The following TRIM36 variants were observed in gnomAD, a reference collection of about 807,000 sequenced individuals.
TRIM36 encodes the protein E3 ubiquitin-protein ligase TRIM36.
A neutral mutation model predicts 72.4 loss-of-function variants in TRIM36; 42 were observed. The observed-to-expected ratio is 0.58, with a 90% confidence interval of 0.45 to 0.75. The LOEUF (loss-of-function observed/expected upper bound fraction) is 0.75. Among genes scored for constraint, TRIM36 ranks in the 30% least tolerant of loss-of-function variants. The pLI, the probability that TRIM36 is intolerant of heterozygous loss-of-function variation, is 0.00. For synonymous variants in TRIM36, 315 were observed against 282.8 expected, an observed-to-expected ratio of 1.11 and a Z score of -1.14; for missense variants, 913 against 857.1, an observed-to-expected ratio of 1.07 and a Z score of -0.81.
rs76017691 is a variant in TRIM36 at position 115,164,526 on chromosome 5, G to C, written c.28-774C>G. ...GTGTTACGTGGTGGCAGGTGAGAGA[G>C]AGCAAGAGCAGGGATACTGCCTTAC... is the stretch of plus-strand genomic sequence containing the variant. On this transcript the variant is annotated intron_variant, in intron 1 of 9. Coordinates refer to ENST00000513154, the MANE Select transcript of TRIM36 (RefSeq NM_001300759.2). 9.7e-3 allele frequency among the ~76,000 whole-genome samples: 1,476 copies of C among 152,286 alleles called. 21 individuals are homozygous for C. The highest frequency in any genetic ancestry group is 0.034 in the African/African-American group (1,410 of 41,536).
chr5:115,152,415 A>G (rs752419802), intron 2 of TRIM36, among the ~76,000 whole-genome samples: 53 of 152,216 alleles, frequency 3.5e-4, no homozygotes, highest in Non-Finnish European at 4.9e-4. Flanking sequence ...TTCCTGAGGA[A>G]GAAGAGAAAT....
intron 2 of TRIM36, among the ~76,000 whole-genome samples, chr5:115,154,278 C>T (rs1273945134): frequency 5.3e-5 from 8 of 150,696 alleles, no homozygotes; most frequent in African/African-American, 9.8e-5. Flanking sequence ...CTCTAGAAAC[C>T]AGAAAAGCAA....
intron 4 of TRIM36, among the ~76,000 whole-genome samples, chr5:115,143,607 C>T (rs1753405024): frequency 6.6e-6 from 1 of 151,444 alleles, no homozygotes; most frequent in South Asian, 2.1e-4. Context: ...AGGTAGAGCA[C>T]AACATAAATA....
At chr5:115,173,647 T>C (rs1419438089), upstream of TRIM36, among the ~76,000 whole-genome samples, 1 of 152,190 alleles carries the variant, frequency 6.6e-6, no homozygotes, top group African/African-American at 2.4e-5. Context: ...TTGTAGATGT[T>C]GAGCAGCTTT....
intron 2 of TRIM36, chr5:115,148,467 T>A: frequency 1.7e-6 from 1 of 582,522 alleles, no homozygotes; most frequent in Non-Finnish European, 2.1e-6. Flanking sequence ...TCACCTAGGC[T>A]GGAGTGTGAT....
chr5:115,128,620 C>T (rs1336435658), intron 9 of TRIM36, among the ~76,000 whole-genome samples: 7 of 147,800 alleles, frequency 4.7e-5, no homozygotes, highest in Admixed American at 2.0e-4. Flanking sequence ...GGCGCGGTGG[C>T]GGGCGCCTGT....
At chr5:115,166,039 G>A (rs1754758348) in intron 1 of TRIM36, among the ~76,000 whole-genome samples, 1 of 152,176 alleles carries the variant, frequency 6.6e-6, no homozygotes, top group Non-Finnish European at 1.5e-5. Context: ...GGCTGAGGGT[G>A]ACTCAACGTG....
At chr5:115,169,284 A>G (rs1216547784) in intron 1 of TRIM36, among the ~76,000 whole-genome samples, 6 of 152,148 alleles carry the variant, frequency 3.9e-5, no homozygotes, top group Admixed American at 3.3e-4. Flanking sequence ...CCGACTCCCA[A>G]ACGCTAATTA....
At chr5:115,128,567 A>G (rs1752480312) in intron 9 of TRIM36, among the ~76,000 whole-genome samples, 1 of 149,058 alleles carries the variant, frequency 6.7e-6, no homozygotes, top group African/African-American at 2.5e-5. Context: ...CCTGGCTAAC[A>G]AGGTGAAACC....
Position 115,169,771 on chromosome 5 carries a change from T to C in TRIM36, c.-137A>G. 1.5e-6 allele frequency: 2 copies of C among 1,336,500 alleles called. No individual in the cohort carries two copies. Among genetic ancestry groups the C allele is most frequent in the Admixed American group, 3.0e-5 (1 of 33,296 alleles). The allele number at this position is 1,336,500 out of a possible 1,614,324, so 82.8% of individuals were successfully genotyped here. A position where few individuals can be genotyped will look rare whatever the true frequency, so the allele number is the denominator to read the frequency against. On this transcript the variant is annotated 5_prime_UTR_variant, in exon 1 of 10. Transcript: ENST00000513154. ...GGAAGATGAGCTGGTCAGCTGTACG[T>C]GGCCAGCGGACCGACGCGGGGAGAA...
At position 115,168,585 on chromosome 5, in the gene TRIM36, G is replaced by A. The variant is rs535102973; in HGVS notation, c.27+1023C>T. 2.6e-5 allele frequency among the ~76,000 whole-genome samples: 4 copies of A among 152,302 alleles called. No individual in the cohort carries two copies. In the East Asian group the frequency reaches 7.7e-4, roughly 29 times the overall value. On this transcript the variant is annotated intron_variant, in intron 1 of 9. Transcript: ENST00000513154. ...AATCTCTGACAATTTAACTGCATTA[G>A]AGCCAACTGGTTTTATCATTGTCAG...
At chr5:115,170,105 G>T, upstream of TRIM36, 2 of 417,612 alleles carry the variant, frequency 4.8e-6, no homozygotes, top group Non-Finnish European at 6.5e-6. Context: ...TTGGGACTCG[G>T]CGCCCTCCGC....
At chr5:115,145,958 T>A (rs916298191) in intron 3 of TRIM36, among the ~76,000 whole-genome samples, 1 of 152,194 alleles carries the variant, frequency 6.6e-6, no homozygotes, top group Non-Finnish European at 1.5e-5. Context: ...GTTTTAGAAT[T>A]TTACTATATT....
intron 6 of TRIM36, 54 bp downstream of exon 6, chr5:115,137,309 A>G: frequency 6.4e-7 from 1 of 1,555,090 alleles, no homozygotes; most frequent in Non-Finnish European, 8.7e-7. Context: ...AATACACAGC[A>G]GCATTTAATA....
chr5:115,138,185 C>T (rs983978004), intron 5 of TRIM36, among the ~76,000 whole-genome samples: 6 of 152,146 alleles, frequency 3.9e-5, no homozygotes, highest in Non-Finnish European at 5.9e-5. Context: ...CTGTAACCTC[C>T]GCCTTCTGGG....
chr5:115,139,322 C>T (rs1465369719), intron 5 of TRIM36, among the ~76,000 whole-genome samples: 1 of 151,864 alleles, frequency 6.6e-6, no homozygotes, highest in Admixed American at 6.6e-5. Context: ...CGGGTTTTAC[C>T]ATGTTGGCCA....
At chr5:115,155,093 G>A (rs1398673413) in intron 2 of TRIM36, among the ~76,000 whole-genome samples, 2 of 152,162 alleles carry the variant, frequency 1.3e-5, no homozygotes, top group African/African-American at 4.8e-5. Context: ...GGAGGCTGAG[G>A]CAGAAGAATC....
In TRIM36 at chr5:115,147,078, G is replaced by A. The variant is rs1753634550; in HGVS notation, c.579C>T (p.Phe193=). ...QHEYVGPTTN[F]RPKILMCPEH... ...TAAAAACTTCACTTACCTTGGGTCT[G>A]AAGTTAGTAGTTGGACCAACATACT... Residue 193 remains phenylalanine (F), a synonymous_variant, in exon 3 of 10, where the codon TTC becomes TTT. Transcript: ENST00000513154. 2 of 1,611,122 alleles carry A rather than the reference G, an allele frequency of 1.2e-6. No homozygotes were observed. The highest frequency in any genetic ancestry group is 1.7e-6 in the Non-Finnish European group (2 of 1,177,692).
chr5:115,171,772 T>C (rs1000028017), upstream of TRIM36, among the ~76,000 whole-genome samples: 21 of 152,298 alleles, frequency 1.4e-4, no homozygotes, highest in Admixed American at 5.9e-4. Flanking sequence ...AATTCAAACA[T>C]GATGTTAATA....
Sources: gnomAD v4.1 joint callset for allele counts (sites outside exome capture counted in the v4.1 genomes callset) on GRCh38, gnomAD v4.1.1 for gene constraint, MANE v1.5 for transcripts, NCBI Gene and HGNC (gene_info 2026-07-23, HGNC 2026-07-21) for gene names.